The following ANK2 variants were observed in gnomAD, a reference collection of about 807,000 sequenced individuals.
The protein encoded by ANK2 is ankyrin 2.
A neutral mutation model predicts 360.5 loss-of-function variants in ANK2; 83 were observed. The ratio of observed to expected loss-of-function variants is 0.23; its 90% CI spans 0.19 to 0.28. The LOEUF (loss-of-function observed/expected upper bound fraction) is 0.28. Ranked by LOEUF, ANK2 falls within the 10% of genes least tolerant of loss-of-function variation. The pLI, the probability that ANK2 is intolerant of heterozygous loss-of-function variation, is 1.00. For missense variants in ANK2, 4,201 were observed against 4,795.7 expected, an observed-to-expected ratio of 0.88 and a Z score of 3.66; for synonymous variants, 1,740 against 1,759.5, an observed-to-expected ratio of 0.99 and a Z score of 0.28.
intron 2 of ANK2, among the ~76,000 whole-genome samples, chr4:112,933,503 C>CTTT (rs530916525): frequency 6.9e-6 from 1 of 143,900 alleles, no homozygotes. Flanking sequence ...CAGTCTAATT[C>CTTT]TTTTTTTTTT....
At chr4:112,730,636 C>CAAAAAAA in the ANK2 span, among the ~76,000 whole-genome samples, 11 of 57,908 alleles carry the variant, frequency 1.9e-4, no homozygotes, top group African/African-American at 4.1e-4. Context: ...GACTCCATCT[C>CAAAAAAA]AAAAAAAAAA....
At chr4:113,232,335 C>G (rs933899266) in intron 5 of ANK2, 76 bp downstream of exon 5, 35 of 1,121,774 alleles carry the variant, frequency 3.1e-5, no homozygotes, top group Middle Eastern at 2.0e-4. Context: ...TGCAAATAGT[C>G]TCCATTACTT....
intron 24 of ANK2, among the ~76,000 whole-genome samples, chr4:113,315,387 C>T (rs1168119067): frequency 2.6e-5 from 4 of 152,162 alleles, no homozygotes; most frequent in South Asian, 2.1e-4. Flanking sequence ...CTGGCAGCCA[C>T]GTCACAAGGT....
At chr4:113,360,747 C>A in intron 38 of ANK2, 76 bp from the exon 39 acceptor site, 1 of 1,300,774 alleles carries the variant, frequency 7.7e-7, no homozygotes, top group Non-Finnish European at 1.1e-6. Context: ...GACTTCCTTT[C>A]TTTGAATGAA....
chr4:112,722,080 C>T, the ANK2 span, among the ~76,000 whole-genome samples: 11 of 152,188 alleles, frequency 7.2e-5, no homozygotes, highest in African/African-American at 2.7e-4. Flanking sequence ...TCTGCAGTCA[C>T]ATTATTCGAG....
intron 1 of ANK2, among the ~76,000 whole-genome samples, chr4:113,113,393 G>C (rs2094482748): frequency 6.6e-6 from 1 of 152,198 alleles, no homozygotes; most frequent in African/African-American, 2.4e-5. Context: ...AACGCTGCCT[G>C]ACTGATGCCT....
intron 2 of ANK2, among the ~76,000 whole-genome samples, chr4:112,948,980 G>C (rs1320597763): frequency 6.6e-6 from 1 of 152,084 alleles, no homozygotes; most frequent in Non-Finnish European, 1.5e-5. Context: ...GATGCCACTG[G>C]AGTTCTTTGA....
rs991268049 is a variant in ANK2 at position 113,301,313 on chromosome 4, A to G, written c.2476-1454A>G. On this transcript the variant is annotated intron_variant, in intron 22 of 45. Coordinates refer to ENST00000357077, the MANE Select transcript of ANK2 (RefSeq NM_001148.6). ...TGTTTTTGGGGTACACATATCTTTT[A>G]TTTATTTATTTTAGTTGGCAAATAA... Among the ~76,000 whole-genome samples, 9 of 151,718 alleles carry G rather than the reference A, an allele frequency of 5.9e-5. No individual in the cohort carries two copies. In the South Asian group the frequency reaches 1.3e-3, roughly 21 times the overall value.
chr4:112,759,993 A>G, the ANK2 span, among the ~76,000 whole-genome samples: 6 of 152,146 alleles, frequency 3.9e-5, no homozygotes, highest in Non-Finnish European at 7.4e-5. Context: ...TTATAGATGT[A>G]GAAACTGAGA....
At chr4:113,193,863 A>G (rs779261924) in intron 2 of ANK2, among the ~76,000 whole-genome samples, 21 of 152,198 alleles carry the variant, frequency 1.4e-4, no homozygotes, top group Non-Finnish European at 2.6e-4. Context: ...CTTCTCCAAA[A>G]TATTTACATT....
chr4:113,035,167 C>CTT (rs768407670), intron 2 of ANK2, among the ~76,000 whole-genome samples: 5 of 142,578 alleles, frequency 3.5e-5, no homozygotes, highest in African/African-American at 7.7e-5. Context: ...CAAAAGGTAC[C>CTT]TTTTTTTTTT....
At position 113,165,617 on chromosome 4, in the gene ANK2, A is replaced by G. The variant is rs572333473; in HGVS notation, c.85-8799A>G. Among the ~76,000 whole-genome samples the G allele has an allele frequency of 2.0e-5, 3 of 152,276 alleles. No homozygotes were observed. The East Asian group carries it at 5.8e-4, about 29-fold the overall frequency. On this transcript the variant is annotated intron_variant, in intron 1 of 45. Coordinates refer to ENST00000357077, the MANE Select transcript of ANK2 (RefSeq NM_001148.6). ...TTTAAGATACCTCCACACCAAGAGGAACCAGTAACAAAAATGAGGGAATCA... is the reference window on the plus strand; with the variant it reads ...TTTAAGATACCTCCACACCAAGAGGGACCAGTAACAAAAATGAGGGAATCA...
At chr4:113,212,825 G>C (rs775445757) in intron 4 of ANK2, among the ~76,000 whole-genome samples, 1 of 152,224 alleles carries the variant, frequency 6.6e-6, no homozygotes, top group Non-Finnish European at 1.5e-5. Flanking sequence ...TTCAGCACTA[G>C]TGCAGCCATG....
intron 2 of ANK2, among the ~76,000 whole-genome samples, chr4:113,188,772 T>G (rs939624782): frequency 2.0e-5 from 3 of 152,172 alleles, no homozygotes; most frequent in Non-Finnish European, 4.4e-5. Flanking sequence ...TTTCCCCTTG[T>G]ATGTGTTAAT....
chr4:112,868,557 G>T (rs11729125), intron 1 of ANK2, among the ~76,000 whole-genome samples: 4,078 of 152,330 alleles, frequency 0.027, 73 homozygotes, highest in Middle Eastern at 0.041. Context: ...TCTCACTTCT[G>T]AATACCATCA....
intron 3 of ANK2, among the ~76,000 whole-genome samples, chr4:113,197,483 C>T (rs1042143189): frequency 1.3e-5 from 2 of 152,144 alleles, no homozygotes; most frequent in African/African-American, 4.8e-5. Flanking sequence ...AGTCTGCTGA[C>T]CAAGCCTTGA....
intron 2 of ANK2, among the ~76,000 whole-genome samples, chr4:112,968,865 C>T (rs919483954): frequency 2.6e-5 from 4 of 152,020 alleles, no homozygotes; most frequent in African/African-American, 9.7e-5. Context: ...TTGTTTATAC[C>T]ATTTTAATTT....
intron 2 of ANK2, among the ~76,000 whole-genome samples, chr4:112,988,404 G>A (rs11943596): frequency 0.27 from 41,523 of 151,980 alleles, 5,715 homozygotes; most frequent in East Asian, 0.44. Flanking sequence ...AATTGTCATG[G>A]TTACTATATT....
At chr4:113,304,349 C>T (rs1015278587) in intron 23 of ANK2, among the ~76,000 whole-genome samples, 4 of 152,114 alleles carry the variant, frequency 2.6e-5, no homozygotes. Flanking sequence ...GATAGAACAA[C>T]TTGTTTAAAT....
Sources: gnomAD v4.1 joint callset for allele counts (sites outside exome capture counted in the v4.1 genomes callset) on GRCh38, gnomAD v4.1.1 for gene constraint, MANE v1.5 for transcripts, NCBI Gene and HGNC (gene_info 2026-07-23, HGNC 2026-07-21) for gene names.